CSTPP1: variants seen among roughly 807,000 people sequenced by gnomAD.
CSTPP1 encodes the protein centriolar satellite-associated tubulin polyglutamylase complex regulator 1.
At chr11:47,086,551 G>A in the CSTPP1 span, among the ~76,000 whole-genome samples, 1 of 152,106 alleles carries the variant, frequency 6.6e-6, no homozygotes, top group Non-Finnish European at 1.5e-5. Flanking sequence ...GATAATAAAG[G>A]GGAAGGGAAG....
At chr11:47,013,713 C>T in the CSTPP1 span, among the ~76,000 whole-genome samples, 1 of 152,174 alleles carries the variant, frequency 6.6e-6, no homozygotes, top group African/African-American at 2.4e-5. Flanking sequence ...ATGCATGTAT[C>T]TTTACAATAG....
the CSTPP1 span, among the ~76,000 whole-genome samples, chr11:47,095,757 G>A: frequency 1.3e-5 from 2 of 152,214 alleles, no homozygotes; most frequent in East Asian, 3.9e-4. Context: ...TTTATTTATT[G>A]CAGAACAGTT....
the CSTPP1 span, among the ~76,000 whole-genome samples, chr11:47,080,241 G>A: frequency 6.6e-6 from 1 of 151,966 alleles, no homozygotes. Context: ...GGATCATGAG[G>A]TCAGGAGATC....
chr11:47,115,686 T>G, the CSTPP1 span, among the ~76,000 whole-genome samples: 5 of 152,274 alleles, frequency 3.3e-5, no homozygotes, highest in Non-Finnish European at 7.3e-5. Flanking sequence ...ATTGCATCTA[T>G]TTGATTCTTC....
chr11:47,150,760 G>A, the CSTPP1 span, among the ~76,000 whole-genome samples: 1 of 152,040 alleles, frequency 6.6e-6, no homozygotes, highest in East Asian at 1.9e-4. Flanking sequence ...AGGGAGGATG[G>A]AAGGACTAGT....
At chr11:47,158,022 C>A in the CSTPP1 span, 1 of 1,065,374 alleles carries the variant, frequency 9.4e-7, no homozygotes, top group Non-Finnish European at 1.4e-6. Context: ...AGGGGCATCA[C>A]CATCTCTGCC....
chr11:47,030,739 T>C, the CSTPP1 span, among the ~76,000 whole-genome samples: 2 of 152,220 alleles, frequency 1.3e-5, no homozygotes, highest in Non-Finnish European at 2.9e-5. Context: ...GTTCTCATCA[T>C]TTAGCTCCCA....
chr11:47,162,936 T>C, the CSTPP1 span, among the ~76,000 whole-genome samples: 18 of 152,168 alleles, frequency 1.2e-4, 1 homozygote, highest in East Asian at 1.5e-3. Flanking sequence ...TCCCAGCACT[T>C]TGGGAGGCCA....
the CSTPP1 span, among the ~76,000 whole-genome samples, chr11:47,070,722 G>C: frequency 1.7e-4 from 26 of 152,190 alleles, no homozygotes; most frequent in Admixed American, 8.5e-4. Context: ...ACTGAAGCTT[G>C]AGAACTCCTG....
At chr11:47,019,587 G>T in the CSTPP1 span, among the ~76,000 whole-genome samples, 3 of 152,174 alleles carry the variant, frequency 2.0e-5, no homozygotes, top group African/African-American at 7.2e-5. Flanking sequence ...AAAGAGGAAT[G>T]GCTGGTCGGT....
At chr11:46,961,845 T>C in the CSTPP1 span, among the ~76,000 whole-genome samples, 2 of 152,210 alleles carry the variant, frequency 1.3e-5, no homozygotes, top group African/African-American at 4.8e-5. Flanking sequence ...TTTTTGGCAC[T>C]GTATTAGTCC....
At chr11:47,146,838 C>T in the CSTPP1 span, among the ~76,000 whole-genome samples, 30 of 152,228 alleles carry the variant, frequency 2.0e-4, no homozygotes, top group African/African-American at 7.2e-4. Context: ...TTCTTTCCAG[C>T]AGCTAAAATG....
At chr11:47,074,530 A>C in the CSTPP1 span, among the ~76,000 whole-genome samples, 1 of 151,834 alleles carries the variant, frequency 6.6e-6, no homozygotes, top group South Asian at 2.1e-4. Context: ...AACAGAAAAA[A>C]AAAAATCAAA....
the CSTPP1 span, among the ~76,000 whole-genome samples, chr11:47,131,873 A>G: frequency 1.3e-5 from 2 of 152,068 alleles, no homozygotes; most frequent in African/African-American, 4.8e-5. Flanking sequence ...GCTACTCGGG[A>G]GGCTGAGGCA....
At chr11:47,066,106 T>G in the CSTPP1 span, among the ~76,000 whole-genome samples, 22 of 142,074 alleles carry the variant, frequency 1.5e-4, no homozygotes, top group African/African-American at 5.7e-4. Context: ...TTTTTTTTTT[T>G]TTTTTTTTTT....
the CSTPP1 span, among the ~76,000 whole-genome samples, chr11:47,069,951 G>A: frequency 6.6e-6 from 1 of 152,186 alleles, no homozygotes; most frequent in African/African-American, 2.4e-5. Context: ...CTGACCTCAT[G>A]ATCCACCCGC....
chr11:47,015,072 A>C, the CSTPP1 span, among the ~76,000 whole-genome samples: 1 of 152,218 alleles, frequency 6.6e-6, no homozygotes, highest in Non-Finnish European at 1.5e-5. Context: ...TAATAAGGAA[A>C]TATTATCAAT....
chr11:46,967,135 G>C, the CSTPP1 span, among the ~76,000 whole-genome samples: 1 of 152,040 alleles, frequency 6.6e-6, no homozygotes, highest in South Asian at 2.1e-4. Flanking sequence ...ACCTAACCCA[G>C]GGTCACTAAG....
At chr11:47,072,486 T>C in the CSTPP1 span, among the ~76,000 whole-genome samples, 1 of 152,266 alleles carries the variant, frequency 6.6e-6, no homozygotes, top group East Asian at 1.9e-4. Flanking sequence ...ATGAAACCGA[T>C]ATAGGAAAGT....
Sources: gnomAD v4.1 joint callset for allele counts (sites outside exome capture counted in the v4.1 genomes callset) on GRCh38, gnomAD v4.1.1 for gene constraint, MANE v1.5 for transcripts, NCBI Gene and HGNC (gene_info 2026-07-23, HGNC 2026-07-21) for gene names.